INPP5A: variants seen among roughly 807,000 people sequenced by gnomAD.
INPP5A encodes the protein inositol polyphosphate-5-phosphatase A.
In INPP5A, 14 loss-of-function variants were observed where a neutral mutation model predicts 65.2. The observed-to-expected ratio is 0.21, with a 90% CI of 0.14 to 0.34. INPP5A has a LOEUF of 0.34. Ranked by LOEUF, INPP5A falls within the 10% of genes least tolerant of loss-of-function variation. The probability of loss-of-function intolerance (pLI) is 1.00; values close to 1 mark genes in which losing one functional copy is unlikely to be tolerated. For synonymous variants in INPP5A, 207 were observed against 208.3 expected (o/e 0.99, Z 0.05); for missense variants, 431 against 545.6 (o/e 0.79, Z 2.09).
At chr10:132,714,558 G>A (rs562394514) in intron 8 of INPP5A, among the ~76,000 whole-genome samples, 1 of 152,292 alleles carries the variant, frequency 6.6e-6, no homozygotes, top group South Asian at 2.1e-4. Flanking sequence ...CGGCTTCCCA[G>A]GTCCATGTCC....
At chr10:132,624,815 C>T (rs1459028892) in intron 2 of INPP5A, among the ~76,000 whole-genome samples, 1 of 152,054 alleles carries the variant, frequency 6.6e-6, no homozygotes, top group African/African-American at 2.4e-5. Context: ...CCACACCCCA[C>T]CCCCGCCCTG....
intron 3 of INPP5A, among the ~76,000 whole-genome samples, chr10:132,646,368 A>T (rs972956353): frequency 6.6e-6 from 1 of 152,076 alleles, no homozygotes; most frequent in African/African-American, 2.4e-5. Flanking sequence ...TTGGGGGCGA[A>T]ATCTCCATCG....
intron 13 of INPP5A, 110 bp from the exon 14 acceptor site, chr10:132,780,724 CTGGCAGGGGCCGACA>C: frequency 1.2e-6 from 1 of 800,404 alleles, no homozygotes; most frequent in Non-Finnish European, 2.2e-6. Context: ...TGGGGAGGTA[CTGGCAGGGGCCGACA>C]TCCCCATCTC....
chr10:132,544,236 C>T (rs1241294393), intron 1 of INPP5A, among the ~76,000 whole-genome samples: 2 of 152,326 alleles, frequency 1.3e-5, no homozygotes, highest in Non-Finnish European at 2.9e-5. Flanking sequence ...AACCAGGATG[C>T]TAGCCTGCAG....
chr10:132,553,890 A>T (rs1294420627), intron 1 of INPP5A, among the ~76,000 whole-genome samples: 4 of 146,022 alleles, frequency 2.7e-5, no homozygotes, highest in Admixed American at 2.7e-4. Context: ...TAGGATAGGG[A>T]GGGAGGATTG....
At position 132,637,167 on chromosome 10, in the gene INPP5A, G is replaced by A. The variant is rs773208663; in HGVS notation, c.118-8701G>A. Among the ~76,000 whole-genome samples, 16 of 152,204 alleles carry A rather than the reference G, an allele frequency of 1.1e-4. No homozygotes were observed. The highest frequency in any genetic ancestry group is 1.9e-4 in the East Asian group (1 of 5,176). ...TCCTGACCTTGTGGTTGATCCGCCCGCTGCCTCGGCCTCCCAAAGTGGTGG... is the reference window on the plus strand; with the variant it reads ...TCCTGACCTTGTGGTTGATCCGCCCACTGCCTCGGCCTCCCAAAGTGGTGG... On this transcript the variant is annotated intron_variant, in intron 2 of 15. Transcript: ENST00000368594. The surrounding 1 kb of genome is among the most constrained non-coding windows in gnomAD (Gnocchi z 4.1).
intron 1 of INPP5A, among the ~76,000 whole-genome samples, chr10:132,596,927 ATGTGCACGCATGTGTGCG>A (rs1554932687): frequency 4.1e-4 from 6 of 14,548 alleles, no homozygotes; most frequent in East Asian, 0.015. Context: ...GTGTGCGCGC[ATGTGCACGCATGTGTGCG>A]TGTGTGCACA....
intron 1 of INPP5A, among the ~76,000 whole-genome samples, chr10:132,583,282 T>C (rs534239977): frequency 6.6e-6 from 1 of 152,244 alleles, no homozygotes; most frequent in Non-Finnish European, 1.5e-5. Context: ...TCGTGTCCTA[T>C]GGCCCCTCTG....
intron 1 of INPP5A, among the ~76,000 whole-genome samples, chr10:132,605,259 G>C (rs530961612): frequency 8.0e-6 from 1 of 125,038 alleles, no homozygotes; most frequent in African/African-American, 3.1e-5. Flanking sequence ...AGGAGGGAGT[G>C]GGGGAGGGGC....
chr10:132,708,815 T>C (rs1410896883), intron 7 of INPP5A, among the ~76,000 whole-genome samples: 1 of 152,210 alleles, frequency 6.6e-6, no homozygotes, highest in African/African-American at 2.4e-5. Context: ...CTGGCCTTTC[T>C]GCAGTGAACA....
In INPP5A at chr10:132,650,873, C is replaced by T. The variant is rs2072567495; in HGVS notation, c.306+368C>T. Among the ~76,000 whole-genome samples, 1 of 152,184 alleles carries T rather than the reference C, an allele frequency of 6.6e-6. No individual in the cohort carries two copies. Among genetic ancestry groups the T allele is most frequent in the Non-Finnish European group, 1.5e-5 (1 of 68,032 alleles). On this transcript the variant is annotated intron_variant, in intron 4 of 15. Transcript: ENST00000368594. This position sits in a 1 kb window ranked among gnomAD's most constrained non-coding sequence, Gnocchi z 5.5. ...CAGCAGCCGGTATTGCTTCAAGAGC[C>T]ACCGTCGCCAGCCCTGCTCCCATGC...
chr10:132,728,986 G>A (rs894707624), intron 9 of INPP5A, among the ~76,000 whole-genome samples: 4 of 145,480 alleles, frequency 2.7e-5, no homozygotes, highest in South Asian at 2.1e-4. Context: ...GCTGGGTCCC[G>A]TGGGGCTTGT....
intron 3 of INPP5A, among the ~76,000 whole-genome samples, chr10:132,649,886 T>C (rs2072549356): frequency 6.6e-6 from 1 of 152,122 alleles, no homozygotes; most frequent in Admixed American, 6.5e-5. Context: ...TCGGGGACAA[T>C]GGCGTGTCCA....
In INPP5A at chr10:132,639,989, C is replaced by T. The variant is rs575587147; in HGVS notation, c.118-5879C>T. Among the ~76,000 whole-genome samples the T allele has an allele frequency of 1.1e-4, 16 of 152,154 alleles. No individual in the cohort carries two copies. In the South Asian group the frequency reaches 2.1e-3, roughly 20 times the overall value. ...TTATTTCAAGAGTATTTACTTTGACCTCATGGAGCATGTTGTAGTTGTTGC... is the reference window on the plus strand; with the variant it reads ...TTATTTCAAGAGTATTTACTTTGACTTCATGGAGCATGTTGTAGTTGTTGC... On this transcript the variant is annotated intron_variant, in intron 2 of 15. Transcript: ENST00000368594.
intron 12 of INPP5A, among the ~76,000 whole-genome samples, chr10:132,766,803 G>T (rs1342276226): frequency 1.3e-5 from 2 of 152,246 alleles, no homozygotes; most frequent in Non-Finnish European, 2.9e-5. Context: ...GACTTCCACT[G>T]GCAGATGTGG....
rs146475540 is a variant in INPP5A at position 132,697,901 on chromosome 10, G to A, written c.456G>A (p.Pro152=). Residue 152 remains proline (P), a synonymous_variant, in exon 6 of 16, where the codon CCG becomes CCA. Coordinates refer to ENST00000368594, the MANE Select transcript of INPP5A (RefSeq NM_005539.5). The surrounding 1 kb of genome is among the most constrained non-coding windows in gnomAD (Gnocchi z 5.6). ...CCATGCTGGAGAAGGAGAAGTTTCC[G>A]CAGGACTACTTCCCCGAGGTACGTA... ...STPMLEKEKF[P]QDYFPECKWS... 9.4e-5 allele frequency: 151 copies of A among 1,611,108 alleles called. 2 individuals are homozygous for A. In the African/African-American group the frequency reaches 1.3e-3, roughly 14 times the overall value.
chr10:132,671,974 T>A (rs1359377425), intron 4 of INPP5A, among the ~76,000 whole-genome samples: 4 of 152,108 alleles, frequency 2.6e-5, no homozygotes, highest in Admixed American at 2.6e-4. Context: ...GTGGACAGCA[T>A]TGATTAGAGG....
chr10:132,597,452 C>G (rs1249757228), intron 1 of INPP5A, among the ~76,000 whole-genome samples: 2 of 152,180 alleles, frequency 1.3e-5, no homozygotes, highest in Non-Finnish European at 2.9e-5. Context: ...AAAGTGCTTA[C>G]ATTCAGTGGG....
intron 11 of INPP5A, among the ~76,000 whole-genome samples, chr10:132,757,609 G>C (rs1288111784): frequency 6.6e-6 from 1 of 152,256 alleles, no homozygotes; most frequent in Non-Finnish European, 1.5e-5. Context: ...ACACGTGACT[G>C]TGTGTGTGCA....
Sources: gnomAD v4.1 joint callset for allele counts (sites outside exome capture counted in the v4.1 genomes callset) on GRCh38, gnomAD v4.1.1 for gene constraint, Gnocchi (gnomAD v3.1) non-coding constraint, MANE v1.5 for transcripts, NCBI Gene and HGNC (gene_info 2026-07-23, HGNC 2026-07-21) for gene names.